TUSC3: variants seen among roughly 807,000 people sequenced by gnomAD.
The protein encoded by TUSC3 is tumor suppressor candidate 3, also known as dolichyl-diphosphooligosaccharide--protein glycosyltransferase subunit TUSC3.
TUSC3 carries 45 observed loss-of-function variants against 44.8 expected under a neutral mutation model. The observed-to-expected ratio is 1.00, with a 90% CI of 0.79 to 1.29. The LOEUF (loss-of-function observed/expected upper bound fraction) is 1.29. Ranked by LOEUF, TUSC3 falls within the 50% of genes most tolerant of loss-of-function variation. TUSC3 has a pLI of 0.00. For synonymous variants in TUSC3, 212 were observed against 152.9 expected, an observed-to-expected ratio of 1.39 and a Z score of -2.85; for missense variants, 519 against 437.9, an observed-to-expected ratio of 1.19 and a Z score of -1.65.
At chr8:15,708,395 T>C (rs1809707283) in intron 6 of TUSC3, among the ~76,000 whole-genome samples, 3 of 151,936 alleles carry the variant, frequency 2.0e-5, no homozygotes, top group Admixed American at 6.6e-5. Context: ...TTGAGGTGCA[T>C]GAGCAGATTT....
chr8:15,718,823 A>G, intron 6 of TUSC3, among the ~76,000 whole-genome samples: 1 of 152,214 alleles, frequency 6.6e-6, no homozygotes, highest in South Asian at 2.1e-4. Context: ...TTTGGACATT[A>G]AAATAACTAA....
chr8:15,744,811 A>AATTT (rs1359900844), intron 8 of TUSC3, among the ~76,000 whole-genome samples: 4 of 151,994 alleles, frequency 2.6e-5, no homozygotes, highest in African/African-American at 9.7e-5. Context: ...TTTTTTTAAT[A>AATTT]ATTTATTTTA....
the TUSC3 span, among the ~76,000 whole-genome samples, chr8:15,824,137 G>A: frequency 6.6e-6 from 1 of 152,192 alleles, no homozygotes; most frequent in South Asian, 2.1e-4. Flanking sequence ...CCTTATTCAC[G>A]GCAGAACTAA....
intron 2 of TUSC3, among the ~76,000 whole-genome samples, chr8:15,648,725 CA>C (rs58526383): frequency 0.02 from 520 of 26,060 alleles, 3 homozygotes; most frequent in African/African-American, 0.04. Flanking sequence ...GACTCTGTGT[CA>C]AAAAAAAAAA....
At chr8:15,587,725 TC>T (rs1803657820) in intron 1 of TUSC3, among the ~76,000 whole-genome samples, 1 of 152,030 alleles carries the variant, frequency 6.6e-6, no homozygotes, top group African/African-American at 2.4e-5. Context: ...ATCCTCTCCT[TC>T]CCCCTACATT....
chr8:15,583,133 G>C (rs964364037), intron 1 of TUSC3, among the ~76,000 whole-genome samples: 4 of 152,148 alleles, frequency 2.6e-5, no homozygotes, highest in South Asian at 2.1e-4. Context: ...GAATAAACTA[G>C]AACTGTTCTA....
chr8:15,494,918 C>A (rs1168604245), intron 2 of TUSC3, among the ~76,000 whole-genome samples: 1 of 144,562 alleles, frequency 6.9e-6, no homozygotes, highest in African/African-American at 2.4e-5. Context: ...CTACCTGGGG[C>A]CATTTTTAAA....
At chr8:15,428,832 G>C (rs987953594) in intron 1 of TUSC3, among the ~76,000 whole-genome samples, 2 of 151,852 alleles carry the variant, frequency 1.3e-5, no homozygotes, top group African/African-American at 4.8e-5. Context: ...TTTTTTTCTT[G>C]TAAATTTGTT....
At chr8:15,543,910 TTG>T (rs34091995) in intron 1 of TUSC3, among the ~76,000 whole-genome samples, 76,867 of 148,650 alleles carry the variant, frequency 0.52, 20,009 homozygotes, top group Admixed American at 0.6. Flanking sequence ...TCCCATGGAT[TTG>T]TGTGTGTGTG....
At chr8:15,844,193 T>C in the TUSC3 span, among the ~76,000 whole-genome samples, 1 of 152,186 alleles carries the variant, frequency 6.6e-6, no homozygotes, top group African/African-American at 2.4e-5. Context: ...TTGTTGTAGT[T>C]TTTATTAAAG....
In TUSC3 at chr8:15,540,391, G is replaced by A; in HGVS notation, c.-40G>A. The A allele has an allele frequency of 6.6e-7, 1 of 1,517,910 alleles. No homozygotes were observed. Among genetic ancestry groups the A allele is most frequent in the South Asian group, 1.2e-5 (1 of 81,568 alleles). 94.0% of individuals were successfully genotyped at this position (1,517,910 alleles called of 1,614,324 possible). ...GTGGTGCGCGGTAGGAGCTGGGCGC[G>A]CACGGCTACCGCGCGTGGAGGAGAC... On this transcript the variant is annotated 5_prime_UTR_variant, in exon 1 of 11. Transcript: ENST00000503731.
At chr8:15,828,196 T>A in the TUSC3 span, among the ~76,000 whole-genome samples, 3 of 152,160 alleles carry the variant, frequency 2.0e-5, no homozygotes, top group African/African-American at 7.2e-5. Flanking sequence ...GATTTCTCCA[T>A]GTTGGTCAGG....
chr8:15,848,049 A>G, the TUSC3 span, among the ~76,000 whole-genome samples: 1 of 151,990 alleles, frequency 6.6e-6, no homozygotes, highest in Non-Finnish European at 1.5e-5. Flanking sequence ...GCTTTTCAGG[A>G]CTCACTATAG....
intron 1 of TUSC3, among the ~76,000 whole-genome samples, chr8:15,544,296 G>C (rs1554511928): frequency 6.6e-6 from 1 of 151,544 alleles, no homozygotes; most frequent in Non-Finnish European, 1.5e-5. Flanking sequence ...ATTTAGAATT[G>C]TTTTAATTTA....
At chr8:15,636,967 T>G (rs932496475) in intron 2 of TUSC3, among the ~76,000 whole-genome samples, 6 of 152,192 alleles carry the variant, frequency 3.9e-5, no homozygotes, top group African/African-American at 1.4e-4. Flanking sequence ...TGTGATTTGT[T>G]TTTTTGCCTT....
chr8:15,475,645 G>A (rs1318168944), intron 1 of TUSC3, among the ~76,000 whole-genome samples: 1 of 152,174 alleles, frequency 6.6e-6, no homozygotes, highest in Non-Finnish European at 1.5e-5. Context: ...TGGGATATAT[G>A]CCATTACAGT....
chr8:15,789,826 T>A, the TUSC3 span, among the ~76,000 whole-genome samples: 2 of 152,122 alleles, frequency 1.3e-5, no homozygotes, highest in East Asian at 3.9e-4. Context: ...CAGATGACAA[T>A]GAAAAACGGT....
At chr8:15,715,107 T>G (rs1040078161) in intron 6 of TUSC3, among the ~76,000 whole-genome samples, 3 of 152,130 alleles carry the variant, frequency 2.0e-5, no homozygotes, top group Non-Finnish European at 4.4e-5. Flanking sequence ...TTTCCTGTTC[T>G]GATAATTAAA....
intron 9 of TUSC3, chr8:15,748,877 AGAG>A (rs1811541089): frequency 1.5e-5 from 6 of 395,940 alleles, no homozygotes; most frequent in South Asian, 1.1e-4. Flanking sequence ...TTTCAAAATA[AGAG>A]CCAACATGAA....
Sources: allele counts gnomAD v4.1 joint callset (sites outside exome capture counted in the v4.1 genomes callset), GRCh38; gene constraint gnomAD v4.1.1; transcripts MANE v1.5; gene names NCBI Gene and HGNC (gene_info 2026-07-23, HGNC 2026-07-21).